Variants in MLIP observed in about 807,000 individuals in gnomAD.
The protein encoded by MLIP is muscular LMNA interacting protein, also known as muscular LMNA-interacting protein.
A neutral mutation model predicts 84.8 loss-of-function variants in MLIP; 79 were observed. The ratio of observed to expected loss-of-function variants is 0.93; its 90% CI spans 0.78 to 1.12. MLIP has a LOEUF of 1.12. Among genes scored for constraint, MLIP ranks in the 50% most tolerant of loss-of-function variants. The pLI is 0.00. For missense variants in MLIP, 1,257 were observed against 1,160.6 expected (o/e 1.08, Z -1.21); for synonymous variants, 504 against 463.0 (o/e 1.09, Z -1.14).
At chr6:54,101,855 T>A (rs1345963349) in intron 1 of MLIP, among the ~76,000 whole-genome samples, 1 of 152,148 alleles carries the variant, frequency 6.6e-6, no homozygotes, top group Non-Finnish European at 1.5e-5. Context: ...TAACCATGCA[T>A]TGCTTTTATA....
chr6:54,248,099 A>G (rs534410738), intron 12 of MLIP, among the ~76,000 whole-genome samples: 1 of 152,206 alleles, frequency 6.6e-6, no homozygotes, highest in South Asian at 2.1e-4. Flanking sequence ...ATTAATACAC[A>G]GCTGTTTATA....
Position 54,137,207 on chromosome 6 carries a change from T to A in MLIP, c.1138T>A (p.Phe380Ile). Reference protein sequence around the residue: ...THSLSPSPKPFTSSFHGSSST... With the variant: ...THSLSPSPKPITSSFHGSSST... ...TTCACTCTCTCCGAGCCCCAAACCA[T>A]TTACCTCCTCTTTCCACGGCTCTTC... The change falls in exon 4 of 14, where the codon TTT (phenylalanine) becomes ATT (isoleucine). Residue 380 changes from phenylalanine to isoleucine, a missense_variant. Transcript: ENST00000502396. 1 of 1,535,924 alleles carries A rather than the reference T, an allele frequency of 6.5e-7. No homozygotes were observed. The highest frequency in any genetic ancestry group is 8.7e-7 in the Non-Finnish European group (1 of 1,146,874).
intron 1 of MLIP, among the ~76,000 whole-genome samples, chr6:54,036,585 G>A (rs1055777864): frequency 6.6e-6 from 1 of 151,948 alleles, no homozygotes; most frequent in Admixed American, 6.6e-5. Flanking sequence ...AAAGACCAAC[G>A]ATAAGTGTTG....
rs888491698 is a variant in MLIP at position 54,137,796 on chromosome 6, C to T, written c.1727C>T (p.Pro576Leu). 7.8e-6 allele frequency: 12 copies of T among 1,536,050 alleles called. No individual in the cohort carries two copies. In the African/African-American group the frequency reaches 1.5e-4, roughly 19 times the overall value. ...GGTGACCTCAGGGGTCCAGAAAACC[C>T]CAGAAACATTCACACGTACCCTTCT... ...QDGDLRGPEN[P>L]RNIHTYPSTL... Residue 576 changes from proline (P) to leucine (L), a missense_variant, in exon 4 of 14, where the codon CCC becomes CTC. Pro to Leu is a moderately conservative substitution (Grantham distance 98). Transcript: ENST00000502396.
At chr6:54,160,716 T>C (rs1486000675) in intron 7 of MLIP, 24 bp from the exon 8 acceptor site, 1 of 1,540,628 alleles carries the variant, frequency 6.5e-7, no homozygotes, top group Admixed American at 1.7e-5. Context: ...CTCTTCTTCT[T>C]TCCTTCCTTT....
intron 4 of MLIP, among the ~76,000 whole-genome samples, chr6:54,138,556 T>C (rs1305731469): frequency 6.6e-6 from 1 of 152,162 alleles, no homozygotes; most frequent in East Asian, 1.9e-4. Context: ...AGGGTATTAT[T>C]TTTCCTCAGA....
chr6:54,205,150 A>G (rs1402526217), intron 11 of MLIP, among the ~76,000 whole-genome samples: 2 of 152,222 alleles, frequency 1.3e-5, no homozygotes, highest in African/African-American at 4.8e-5. Context: ...AGATACCAAA[A>G]CAGCTCTCAA....
intron 12 of MLIP, among the ~76,000 whole-genome samples, chr6:54,256,446 G>T (rs957862323): frequency 5.3e-5 from 8 of 152,082 alleles, no homozygotes; most frequent in African/African-American, 1.9e-4. Context: ...AATAGCCCTG[G>T]TTTGCCGGGA....
intron 2 of MLIP, among the ~76,000 whole-genome samples, chr6:54,121,851 CT>C (rs1288532238): frequency 6.6e-6 from 1 of 152,046 alleles, no homozygotes; most frequent in Non-Finnish European, 1.5e-5. Context: ...ATTCTGCCTC[CT>C]GGCACATTCT....
rs1348892962 is a variant in MLIP, at chr6:54,246,282, C to T, written c.2923-11026C>T. ...ACTTGCTTTCAAAGCATTAGAAGTCCAACACTGGAAAATCTTAATACTTTG... is the reference window on the plus strand; with the variant it reads ...ACTTGCTTTCAAAGCATTAGAAGTCTAACACTGGAAAATCTTAATACTTTG... On this transcript the variant is annotated intron_variant, in intron 12 of 13. Coordinates refer to ENST00000502396, the MANE Select transcript of MLIP (RefSeq NM_001281747.2). Among the ~76,000 whole-genome samples the T allele has an allele frequency of 3.9e-5, 6 of 152,040 alleles. No individual in the cohort carries two copies. In the East Asian group the frequency reaches 1.2e-3, roughly 29 times the overall value.
chr6:54,166,435 G>C (rs80060551), intron 8 of MLIP, among the ~76,000 whole-genome samples: 10,515 of 151,796 alleles, frequency 0.069, 518 homozygotes, highest in East Asian at 0.21. Flanking sequence ...CAAGGTTCCT[G>C]AAGTCCTCTG....
intron 13 of MLIP, among the ~76,000 whole-genome samples, chr6:54,259,077 TG>T (rs1370097851): frequency 6.6e-6 from 1 of 151,946 alleles, no homozygotes; most frequent in Non-Finnish European, 1.5e-5. Flanking sequence ...TTAATTTGCA[TG>T]TTAAAATTCT....
intron 10 of MLIP, among the ~76,000 whole-genome samples, chr6:54,191,732 G>A (rs1777937817): frequency 6.6e-6 from 1 of 152,094 alleles, no homozygotes; most frequent in Non-Finnish European, 1.5e-5. Context: ...ATAACATAAT[G>A]AGGTTGAATG....
At chr6:54,134,098 AT>A (rs946990636) in intron 3 of MLIP, among the ~76,000 whole-genome samples, 4 of 152,106 alleles carry the variant, frequency 2.6e-5, no homozygotes, top group African/African-American at 9.7e-5. Context: ...GGAAGAAGAG[AT>A]GGAAATAATT....
At chr6:54,094,118 G>A (rs1172722290) in intron 1 of MLIP, among the ~76,000 whole-genome samples, 1 of 151,944 alleles carries the variant, frequency 6.6e-6, no homozygotes, top group Non-Finnish European at 1.5e-5. Context: ...TAATGATGAT[G>A]GCAATAATAT....
At chr6:54,177,118 A>G (rs969402083) in intron 9 of MLIP, among the ~76,000 whole-genome samples, 1 of 152,198 alleles carries the variant, frequency 6.6e-6, no homozygotes, top group Non-Finnish European at 1.5e-5. Flanking sequence ...AATCTAGGCA[A>G]TACCATTCAG....
chr6:54,088,533 A>T (rs1254960496), intron 1 of MLIP, among the ~76,000 whole-genome samples: 1 of 152,180 alleles, frequency 6.6e-6, no homozygotes, highest in Non-Finnish European at 1.5e-5. Context: ...GGGGTCAAAG[A>T]ACATTCCAAA....
chr6:54,203,620 C>T (rs2150719570), intron 11 of MLIP: 1 of 151,644 alleles, frequency 6.6e-6, no homozygotes, highest in Non-Finnish European at 1.5e-5. Flanking sequence ...GAGTTTCGCT[C>T]TGTTGTCTAG....
At chr6:54,178,038 T>C (rs755992267) in intron 9 of MLIP, among the ~76,000 whole-genome samples, 3 of 151,686 alleles carry the variant, frequency 2.0e-5, no homozygotes, top group East Asian at 1.9e-4. Context: ...ACAACACACA[T>C]TGGGGCCTCT....
Sources: gnomAD v4.1 joint callset for allele counts (sites outside exome capture counted in the v4.1 genomes callset) on GRCh38, gnomAD v4.1.1 for gene constraint, MANE v1.5 for transcripts, NCBI Gene and HGNC (gene_info 2026-07-23, HGNC 2026-07-21) for gene names.